The following CTRC variants were observed in gnomAD, a reference collection of about 807,000 sequenced individuals.
The protein encoded by CTRC is chymotrypsin C, also known as chymotrypsin-C.
Under a neutral mutation model 35.7 loss-of-function variants are expected in CTRC, and 32 were observed. The ratio of observed to expected loss-of-function variants is 0.90; its 90% CI spans 0.68 to 1.20. The LOEUF is 1.20. Ranked by LOEUF, CTRC falls within the 50% of genes most tolerant of loss-of-function variation. CTRC has a pLI of 0.00. For synonymous variants in CTRC, 119 were observed against 149.5 expected (o/e 0.80, Z 1.49); for missense variants, 324 against 361.5 (o/e 0.90, Z 0.84).
intron 1 of CTRC, among the ~76,000 whole-genome samples, chr1:15,439,924 T>G (rs1229755238): frequency 2.6e-5 from 4 of 152,158 alleles, no homozygotes; most frequent in Non-Finnish European, 5.9e-5. Flanking sequence ...GTATTTTTAG[T>G]AGAGACAGGG....
chr1:15,445,524 C>CAA, intron 6 of CTRC, 73 bp from the exon 7 acceptor site: 1 of 1,538,708 alleles, frequency 6.5e-7, no homozygotes. Flanking sequence ...TCCCCCACCC[C>CAA]AACCCAGTCC....
intron 6 of CTRC, 87 bp from the exon 7 acceptor site, chr1:15,445,510 C>T: frequency 6.9e-7 from 1 of 1,444,112 alleles, no homozygotes; most frequent in Non-Finnish European, 9.7e-7. Flanking sequence ...GAAGCCAACC[C>T]ACATCCCCCA....
intron 6 of CTRC, 72 bp downstream of exon 6, chr1:15,444,823 T>G: frequency 6.3e-7 from 1 of 1,596,284 alleles, no homozygotes; most frequent in Non-Finnish European, 8.6e-7. Context: ...GGGGGTGCGA[T>G]GGACCAAACC....
intron 1 of CTRC, 107 bp downstream of exon 1, chr1:15,438,611 C>T (rs1708077960): frequency 7.8e-7 from 1 of 1,286,650 alleles, no homozygotes; most frequent in African/African-American, 1.5e-5. Flanking sequence ...AGGTAAGACA[C>T]TTTGGGGTCC....
In CTRC at chr1:15,441,755, C is replaced by A. The variant is rs921919698; in HGVS notation, c.231-692C>A. Among the ~76,000 whole-genome samples, 4 of 150,590 alleles carry A rather than the reference C, an allele frequency of 2.7e-5. No homozygotes were observed. In the East Asian group the frequency reaches 7.8e-4, roughly 29 times the overall value. On this transcript the variant is annotated intron_variant, in intron 3 of 7. Coordinates refer to ENST00000375949, the MANE Select transcript of CTRC (RefSeq NM_007272.3). The stretch of plus-strand genomic sequence containing the variant: ...GTGGTACCATCATGGTTCACTGTAG[C>A]CTTGACCTCCTGAGCTCAAGCAATC...
At chr1:15,446,520 C>A (rs1342278553) in intron 7 of CTRC, 55 bp from the exon 8 acceptor site, 2 of 1,599,414 alleles carry the variant, frequency 1.3e-6, no homozygotes, top group Admixed American at 3.3e-5. Flanking sequence ...AGCCCTGTGC[C>A]ACCCTAGAAG....
chr1:15,440,727 A>G (rs1708120329), intron 3 of CTRC, 137 bp downstream of exon 3: 1 of 767,056 alleles, frequency 1.3e-6, no homozygotes, highest in East Asian at 2.7e-5. Context: ...TCAGTTGTGC[A>G]TTTAGTCAGT....
In CTRC at chr1:15,444,667, G is replaced by T. The variant is rs113087202; in HGVS notation, c.555G>T (p.Thr185=). The change falls in exon 6 of 8, where the codon ACG becomes ACT. Residue 185 remains threonine (T), a synonymous_variant. Transcript: ENST00000375949. ...QGLQPVVDHA[T]CSRIDWWGFR... Reference sequence around the variant, plus strand: ...TGCAGCCCGTGGTGGATCACGCCACGTGCTCCAGGATTGACTGGTGGGGCT... The same window carrying T: ...TGCAGCCCGTGGTGGATCACGCCACTTGCTCCAGGATTGACTGGTGGGGCT... 1.2e-6 allele frequency: 2 copies of T among 1,614,224 alleles called. No homozygotes were observed. The highest frequency in any genetic ancestry group is 2.7e-5 in the African/African-American group (2 of 75,058).
At position 15,438,476 on chromosome 1, in the gene CTRC, C is replaced by T. The variant is rs1455830684; in HGVS notation, c.12C>T (p.Ile4=). 6 of 1,614,062 alleles carry T rather than the reference C, an allele frequency of 3.7e-6. No individual in the cohort carries two copies. In the Admixed American group the frequency reaches 1.0e-4, roughly 27 times the overall value. MLG[I]TVLAALLACA... is the part of the protein sequence containing the mutation. ...CTGAGCACCTAACCATGTTGGGCAT[C>T]ACTGTCCTCGCTGCGCTCTTGGCCT... Residue 4 remains isoleucine, a synonymous_variant, in exon 1 of 8, where the codon ATC becomes ATT. Transcript: ENST00000375949.
At chr1:15,442,625 G>T in intron 4 of CTRC, 53 bp downstream of exon 4, 1 of 1,611,556 alleles carries the variant, frequency 6.2e-7, no homozygotes, top group Non-Finnish European at 8.5e-7. Context: ...TGGAAGGAGG[G>T]GTCCCCAAGA....
chr1:15,446,451 C>G, intron 7 of CTRC, 124 bp from the exon 8 acceptor site: 1 of 934,510 alleles, frequency 1.1e-6, no homozygotes, highest in Non-Finnish European at 1.8e-6. Context: ...AGGGACAAGG[C>G]TGGCATGTGA....
At chr1:15,442,671 AC>A in intron 4 of CTRC, 99 bp downstream of exon 4, 1 of 1,523,214 alleles carries the variant, frequency 6.6e-7, no homozygotes, top group Non-Finnish European at 9.0e-7. Flanking sequence ...CATACCTGAC[AC>A]CCCATCCTCA....
In CTRC at chr1:15,444,643, G is replaced by A. The variant is rs751747891; in HGVS notation, c.531G>A (p.Leu177=). 8.5e-5 allele frequency: 137 copies of A among 1,614,106 alleles called. 1 individual carries two copies. Among genetic ancestry groups the A allele is most frequent in the Non-Finnish European group, 1.1e-4 (134 of 1,180,052 alleles). Reference sequence around the variant, plus strand: ...TTGCTGATAAGCTGCAGCAGGGCCTGCAGCCCGTGGTGGATCACGCCACGT... The same window carrying A: ...TTGCTGATAAGCTGCAGCAGGGCCTACAGCCCGTGGTGGATCACGCCACGT... The part of the protein sequence containing the change: ...GPIADKLQQG[L]QPVVDHATCS... The change falls in exon 6 of 8, where the codon CTG becomes CTA. Residue 177 remains leucine (L), a synonymous_variant. Coordinates refer to ENST00000375949, the MANE Select transcript of CTRC (RefSeq NM_007272.3).
chr1:15,446,655 C>G lies in CTRC; in HGVS notation c.*66C>G. 1 of 1,578,830 alleles carries G rather than the reference C, an allele frequency of 6.3e-7. No homozygotes were observed. The highest frequency in any genetic ancestry group is 8.7e-7 in the Non-Finnish European group (1 of 1,147,670). On this transcript the variant is annotated 3_prime_UTR_variant, in exon 8 of 8. Coordinates refer to ENST00000375949, the MANE Select transcript of CTRC (RefSeq NM_007272.3). ...AATAAACTTCCTTCTCCTCGGGCCA[C>G]CTGGATCCTTGATTTGTGCAGCTTC...
At chr1:15,444,419 G>A (rs1708184453) in intron 5 of CTRC, among the ~76,000 whole-genome samples, 187 bp from the exon 6 acceptor site, 2 of 152,018 alleles carry the variant, frequency 1.3e-5, no homozygotes, top group African/African-American at 4.8e-5. Flanking sequence ...CCTTCTGCCG[G>A]CAGCCTGCTC....
intron 1 of CTRC, 74 bp from the exon 2 acceptor site, chr1:15,440,226 G>GGGCCCCCCCCCCCCC: frequency 1.9e-6 from 1 of 523,580 alleles, no homozygotes; most frequent in Non-Finnish European, 3.7e-6. Flanking sequence ...TCTTCCACCT[G>GGGCCCCCCCCCCCCC]CCCACCCTCC....
rs1708229775 is a variant in CTRC, at chr1:15,446,850, G to T, written c.*261G>T. On this transcript the variant is annotated 3_prime_UTR_variant, in exon 8 of 8. Coordinates refer to ENST00000375949, the MANE Select transcript of CTRC (RefSeq NM_007272.3). ...GCATTAATGGGAGGCAGGGGGCTGG[G>T]GTGGAGAGCCCAGGGAGTCCTGCGT... 3.4e-6 allele frequency: 2 copies of T among 595,264 alleles called. No individual in the cohort carries two copies. Among genetic ancestry groups the T allele is most frequent in the Non-Finnish European group, 3.0e-6 (1 of 331,896 alleles). The allele number at this position is 595,264 out of a possible 1,614,324, so 36.9% of individuals were successfully genotyped here.
intron 4 of CTRC, among the ~76,000 whole-genome samples, chr1:15,442,896 G>A (rs1708157430): frequency 6.6e-6 from 1 of 152,146 alleles, no homozygotes; most frequent in African/African-American, 2.4e-5. Context: ...TATGCCATCT[G>A]TTATGTAATC....
chr1:15,442,384 C>G (rs1708147604), intron 3 of CTRC, 63 bp from the exon 4 acceptor site: 3 of 1,561,894 alleles, frequency 1.9e-6, no homozygotes, highest in Non-Finnish European at 2.6e-6. Flanking sequence ...CGAGCTCCCT[C>G]TCTATCCCAC....
Sources: gnomAD v4.1 joint callset for allele counts (sites outside exome capture counted in the v4.1 genomes callset) on GRCh38, gnomAD v4.1.1 for gene constraint, MANE v1.5 for transcripts, NCBI Gene and HGNC (gene_info 2026-07-23, HGNC 2026-07-21) for gene names.